The following SLC23A2 variants were observed in gnomAD, a reference collection of about 807,000 sequenced individuals.
SLC23A2 encodes solute carrier family 23 member 2, also known as Na(+)/L-ascorbic acid transporter 2.
In SLC23A2, 36 loss-of-function variants were observed where a neutral mutation model predicts 73.3. The observed-to-expected ratio is 0.49, with a 90% CI of 0.38 to 0.65. The LOEUF (loss-of-function observed/expected upper bound fraction) is 0.65, where lower values mean the gene tolerates loss of function less well. SLC23A2 is among the 30% of genes least tolerant of loss of function. SLC23A2 has a pLI of 0.00. For missense variants in SLC23A2, 507 were observed against 841.6 expected, an observed-to-expected ratio of 0.60 and a Z score of 4.92; for synonymous variants, 343 against 327.3, an observed-to-expected ratio of 1.05 and a Z score of -0.52.
At chr20:4,976,415 C>T (rs564533541) in intron 1 of SLC23A2, among the ~76,000 whole-genome samples, 1 of 152,208 alleles carries the variant, frequency 6.6e-6, no homozygotes, top group South Asian at 2.1e-4. Context: ...GTGGCTAACG[C>T]CTGTAATCCC....
upstream of SLC23A2, among the ~76,000 whole-genome samples, chr20:5,002,699 CATTT>C (rs1433839526): frequency 7.2e-5 from 11 of 152,298 alleles, no homozygotes; most frequent in African/African-American, 2.6e-4. Flanking sequence ...TGTGTCTTCC[CATTT>C]ATTTATCTAA....
intron 4 of SLC23A2, among the ~76,000 whole-genome samples, chr20:4,904,114 T>A (rs1442855242): frequency 2.0e-5 from 3 of 152,186 alleles, no homozygotes; most frequent in African/African-American, 7.2e-5. Flanking sequence ...GGCAACATAG[T>A]GAGGCCTCTT....
intron 3 of SLC23A2, among the ~76,000 whole-genome samples, chr20:4,931,511 CT>C (rs1408383041): frequency 6.6e-6 from 1 of 152,000 alleles, no homozygotes; most frequent in Non-Finnish European, 1.5e-5. Flanking sequence ...AATCCCAGTG[CT>C]TTAGGAGGCT....
At position 4,855,672 on chromosome 20, in the gene SLC23A2, C is replaced by T. The variant is rs1043467309; in HGVS notation, c.*1300G>A. 8 of 152,634 alleles carry T rather than the reference C, an allele frequency of 5.2e-5. No individual in the cohort carries two copies. The highest frequency in any genetic ancestry group is 1.2e-4 in the African/African-American group (5 of 41,442). 9.5% of individuals were successfully genotyped at this position (152,634 alleles called of 1,614,324 possible). A position where few individuals can be genotyped will look rare whatever the true frequency, so the allele number is the denominator to read the frequency against. ...TAAGCCAAGACTTGCAACAGAAGCCCGGCAAGCGGGACAGACCGGCGGACA... is the reference window on the plus strand; with the variant it reads ...TAAGCCAAGACTTGCAACAGAAGCCTGGCAAGCGGGACAGACCGGCGGACA... On this transcript the variant is annotated 3_prime_UTR_variant, in exon 17 of 17. Coordinates refer to ENST00000338244, the MANE Select transcript of SLC23A2 (RefSeq NM_005116.6).
chr20:4,872,161 T>C lies in SLC23A2; in HGVS notation c.1102+1775A>G, dbSNP rs748469750. Among the ~76,000 whole-genome samples the C allele has an allele frequency of 1.3e-5, 2 of 152,206 alleles. No homozygotes were observed. ...CATTTTGCACCAGAAATCTGTATTA[T>C]ATTAACAATCAGTCCAGACCATGCC... On this transcript the variant is annotated intron_variant, in intron 11 of 16. Coordinates refer to ENST00000338244, the MANE Select transcript of SLC23A2 (RefSeq NM_005116.6). The surrounding 1 kb of genome is among the most constrained non-coding windows in gnomAD (Gnocchi z 4.4).
At chr20:4,979,524 G>C (rs926406673) in intron 1 of SLC23A2, among the ~76,000 whole-genome samples, 12 of 151,404 alleles carry the variant, frequency 7.9e-5, no homozygotes, top group African/African-American at 2.9e-4. Context: ...GGACAACATA[G>C]AAAGACCCTG....
At chr20:4,982,199 T>C (rs535536083) in intron 1 of SLC23A2, among the ~76,000 whole-genome samples, 1 of 151,306 alleles carries the variant, frequency 6.6e-6, no homozygotes, top group Non-Finnish European at 1.5e-5. Context: ...TTCACCATGT[T>C]GGCCAGGCTG....
In SLC23A2 at chr20:4,960,599, G is replaced by GCGCACA. The variant is rs1308291118; in HGVS notation, c.-155+10188_-155+10193dup. On this transcript the variant is annotated intron_variant, in intron 2 of 16. Coordinates refer to ENST00000338244, the MANE Select transcript of SLC23A2 (RefSeq NM_005116.6). ...AGTGATTAAGTAGGTTGTAGCGCAC[G>GCGCACA]CGCACACGCACACACACAAGATCTA... 3.9e-5 allele frequency among the ~76,000 whole-genome samples: 6 copies of GCGCACA among 152,276 alleles called. No individual in the cohort carries two copies. In the East Asian group the frequency reaches 1.2e-3, roughly 29 times the overall value.
chr20:4,994,425 CTGGAGAG>C (rs2087982598), intron 1 of SLC23A2, among the ~76,000 whole-genome samples: 1 of 152,096 alleles, frequency 6.6e-6, no homozygotes, highest in Non-Finnish European at 1.5e-5. Flanking sequence ...TTAGCCAGCC[CTGGAGAG>C]GAGTCAATAA....
chr20:4,862,165 T>C lies in SLC23A2; in HGVS notation c.1487-80A>G. 1.4e-6 allele frequency: 2 copies of C among 1,415,410 alleles called. No individual in the cohort carries two copies. Among genetic ancestry groups the C allele is most frequent in the Non-Finnish European group, 2.0e-6 (2 of 1,019,078 alleles). The allele number at this position is 1,415,410 out of a possible 1,614,324, so 87.7% of individuals were successfully genotyped here. A position where few individuals can be genotyped will look rare whatever the true frequency, so the allele number is the denominator to read the frequency against. On this transcript the variant is annotated intron_variant, in intron 14 of 16. Coordinates refer to ENST00000338244, the MANE Select transcript of SLC23A2 (RefSeq NM_005116.6). The surrounding 1 kb of genome is among the most constrained non-coding windows in gnomAD (Gnocchi z 5.1). ...TCAAGGCAGGTGAGGGCAGGCTCCC[T>C]GGCACCCCTTCTCTGTCCAACAGAA...
chr20:4,955,795 A>T (rs1266420154), intron 2 of SLC23A2, among the ~76,000 whole-genome samples: 1 of 151,950 alleles, frequency 6.6e-6, no homozygotes, highest in Non-Finnish European at 1.5e-5. Flanking sequence ...TCTGAAAAAT[A>T]ATTTTTTTTT....
chr20:4,899,078 G>A lies in SLC23A2; in HGVS notation c.482+477C>T, dbSNP rs906625533. ...GAGAGCAAGGGCAAGCCTAAATGCT[G>A]GGTGCAGCCTGGTGTGTAAAAAGGG... On this transcript the variant is annotated intron_variant, in intron 6 of 16. Coordinates refer to ENST00000338244, the MANE Select transcript of SLC23A2 (RefSeq NM_005116.6). The surrounding 1 kb of genome is among the most constrained non-coding windows in gnomAD (Gnocchi z 4.9). 3.3e-5 allele frequency among the ~76,000 whole-genome samples: 5 copies of A among 152,192 alleles called. No homozygotes were observed. The highest frequency in any genetic ancestry group is 1.2e-4 in the African/African-American group (5 of 41,446).
At chr20:5,009,261 T>C (rs1340401059) in intron 1 of SLC23A2, among the ~76,000 whole-genome samples, 1 of 152,136 alleles carries the variant, frequency 6.6e-6, no homozygotes. Context: ...AAAAAAGGTG[T>C]TGGGGATAAG....
At chr20:4,933,843 C>T (rs1932815720) in intron 2 of SLC23A2, among the ~76,000 whole-genome samples, 1 of 152,266 alleles carries the variant, frequency 6.6e-6, no homozygotes, top group South Asian at 2.1e-4. Context: ...ATAAAGAATC[C>T]AACCAAGCTG....
At chr20:4,917,277 C>T (rs891808783) in intron 3 of SLC23A2, among the ~76,000 whole-genome samples, 2 of 152,086 alleles carry the variant, frequency 1.3e-5, no homozygotes, top group African/African-American at 2.4e-5. Context: ...CTTTGGCACA[C>T]GAGGAGACAG....
intron 1 of SLC23A2, among the ~76,000 whole-genome samples, chr20:5,008,837 G>C (rs1370776077): frequency 6.6e-6 from 1 of 152,122 alleles, no homozygotes; most frequent in Admixed American, 6.6e-5. Context: ...AAAGTGCTGG[G>C]ATTGCAGACA....
rs755478318 is a variant in SLC23A2 at position 4,998,993 on chromosome 20, C to T, written c.-282+2413G>A. 6.6e-6 allele frequency among the ~76,000 whole-genome samples: 1 copy of T among 151,898 alleles called. No homozygotes were observed. Among genetic ancestry groups the T allele is most frequent in the Non-Finnish European group, 1.5e-5 (1 of 68,006 alleles). ...CTAACTTTTGTATTTTTAGTAGAGA[C>T]GAGGTTTCACCATGGTGGCCAGGCT... is the stretch of plus-strand genomic sequence containing the variant. On this transcript the variant is annotated intron_variant, in intron 1 of 16. Transcript: ENST00000338244. This position sits in a 1 kb window ranked among gnomAD's most constrained non-coding sequence, Gnocchi z 4.1.
chr20:4,892,276 T>C (rs1931360760), intron 6 of SLC23A2, among the ~76,000 whole-genome samples: 1 of 151,704 alleles, frequency 6.6e-6, no homozygotes, highest in Admixed American at 6.6e-5. Context: ...AACCTCTGCC[T>C]CTCGGGTTCA....
intron 9 of SLC23A2, among the ~76,000 whole-genome samples, chr20:4,875,546 T>A (rs3787458): frequency 1.3e-5 from 2 of 152,056 alleles, no homozygotes; most frequent in Admixed American, 6.5e-5. Context: ...CTGGGCTGCG[T>A]AAGTCCCTCT....
Sources: allele counts gnomAD v4.1 joint callset (sites outside exome capture counted in the v4.1 genomes callset), GRCh38; gene constraint gnomAD v4.1.1; non-coding constraint Gnocchi (gnomAD v3.1); transcripts MANE v1.5; gene names NCBI Gene and HGNC (gene_info 2026-07-23, HGNC 2026-07-21).